MOCOS: variants seen among roughly 807,000 people sequenced by gnomAD.
MOCOS encodes the protein human molybdenum cofactor sulfurase.
A neutral mutation model predicts 83.6 loss-of-function variants in MOCOS; 86 were observed. The ratio of observed to expected loss-of-function variants is 1.03; its 90% CI spans 0.86 to 1.23. MOCOS has a LOEUF of 1.23. Ranked by LOEUF, MOCOS falls within the 50% of genes most tolerant of loss-of-function variation. MOCOS has a pLI of 0.00. For synonymous variants in MOCOS, 445 were observed against 434.7 expected (o/e 1.02, Z -0.29); for missense variants, 1,120 against 1,126.9 (o/e 0.99, Z 0.09).
chr18:36,259,089 G>A (rs1598595138), intron 12 of MOCOS, among the ~76,000 whole-genome samples: 1 of 149,362 alleles, frequency 6.7e-6, no homozygotes, highest in African/African-American at 2.5e-5. Flanking sequence ...GGGGTGGGGG[G>A]TGCAGAGGGC....
At chr18:36,209,253 A>G (rs2091445458) in intron 6 of MOCOS, among the ~76,000 whole-genome samples, 1 of 151,406 alleles carries the variant, frequency 6.6e-6, no homozygotes, top group African/African-American at 2.4e-5. Context: ...ATCTTGGTTC[A>G]CTGCAGCCTT....
At chr18:36,205,337 A>G in intron 6 of MOCOS, 61 bp downstream of exon 6, 3 of 1,539,714 alleles carry the variant, frequency 1.9e-6, no homozygotes, top group Non-Finnish European at 2.7e-6. Context: ...AGACGAGAGC[A>G]ATGTAGTGTG....
intron 9 of MOCOS, among the ~76,000 whole-genome samples, chr18:36,226,359 A>T (rs1210877247): frequency 6.6e-6 from 1 of 152,036 alleles, no homozygotes; most frequent in African/African-American, 2.4e-5. Context: ...TTTGGTTACC[A>T]TTTGCATGGA....
chr18:36,219,208 A>C (rs1285922756), intron 8 of MOCOS, among the ~76,000 whole-genome samples: 1 of 145,798 alleles, frequency 6.9e-6, no homozygotes, highest in East Asian at 2.0e-4. Flanking sequence ...TTTTTTTGAC[A>C]CAGAGTCTCA....
At chr18:36,200,518 G>A (rs1350374030) in intron 4 of MOCOS, among the ~76,000 whole-genome samples, 194 bp downstream of exon 4, 1 of 152,148 alleles carries the variant, frequency 6.6e-6, no homozygotes, top group African/African-American at 2.4e-5. Context: ...GGTGTTCAGT[G>A]AACTCTACCC....
chr18:36,194,408 CTTA>C (rs766791817), intron 1 of MOCOS, among the ~76,000 whole-genome samples: 12 of 152,088 alleles, frequency 7.9e-5, no homozygotes, highest in Admixed American at 2.0e-4. Context: ...CATGTCAGTA[CTTA>C]TTATTAGTGT....
At chr18:36,252,660 G>A (rs1340758389) in intron 11 of MOCOS, among the ~76,000 whole-genome samples, 2 of 152,164 alleles carry the variant, frequency 1.3e-5, no homozygotes, top group Non-Finnish European at 1.5e-5. Flanking sequence ...GGAGTTCGAG[G>A]CTGCAGTGAG....
rs73430990 is a variant in MOCOS at position 36,212,994 on chromosome 18, G to A, written c.1219-372G>A. On this transcript the variant is annotated intron_variant, in intron 6 of 14. Transcript: ENST00000261326. The stretch of plus-strand genomic sequence containing the variant: ...CAGGAAAGAGCTTTGGGAACTTCTG[G>A]ACTGAAAAGCAATTCTGTGATTAAA... Among the ~76,000 whole-genome samples, 363 of 152,286 alleles carry A rather than the reference G, an allele frequency of 2.4e-3. 1 individual carries two copies. Among genetic ancestry groups the A allele is most frequent in the African/African-American group, 8.4e-3 (349 of 41,552 alleles).
Position 36,258,091 on chromosome 18 carries a change from C to T in MOCOS, c.2270+1018C>T, listed in dbSNP as rs1393391589. 4.6e-5 allele frequency among the ~76,000 whole-genome samples: 7 copies of T among 152,202 alleles called. No individual in the cohort carries two copies. The East Asian group carries it at 1.4e-3, about 29-fold the overall frequency. ...TCTGGCACTGAGGGACCCTTCTCCT[C>T]AGGCATCCAGAGTCCTGGAAAAAGT... On this transcript the variant is annotated intron_variant, in intron 12 of 14. Coordinates refer to ENST00000261326, the MANE Select transcript of MOCOS (RefSeq NM_017947.4).
chr18:36,258,634 C>G (rs1021801473), intron 12 of MOCOS, among the ~76,000 whole-genome samples: 2 of 152,160 alleles, frequency 1.3e-5, no homozygotes, highest in Non-Finnish European at 2.9e-5. Context: ...CTGGCGCATA[C>G]TCTAACCATG....
In MOCOS at chr18:36,271,603, A is replaced by C. The variant is rs2091699414; in HGVS notation, c.*2918A>C. 1 of 152,204 alleles carries C rather than the reference A, an allele frequency of 6.6e-6. No homozygotes were observed. Among genetic ancestry groups the C allele is most frequent in the Admixed American group, 6.5e-5 (1 of 15,286 alleles). The allele number at this position is 152,204 out of a possible 1,614,324, so 9.4% of individuals were successfully genotyped here. ...AGACAATGTCATGTCCCTTGAATTT[A>C]ATTCTAACACCAAACCTTGGTGTTA... On this transcript the variant is annotated 3_prime_UTR_variant, in exon 15 of 15. Transcript: ENST00000261326.
Position 36,210,419 on chromosome 18 carries a change from G to T in MOCOS, c.1219-2947G>T, listed in dbSNP as rs572963397. Among the ~76,000 whole-genome samples, 209 of 152,266 alleles carry T rather than the reference G, an allele frequency of 1.4e-3. 2 individuals are homozygous for T. Among genetic ancestry groups the T allele is most frequent in the Middle Eastern group, 3.4e-3 (1 of 294 alleles). On this transcript the variant is annotated intron_variant, in intron 6 of 14. Coordinates refer to ENST00000261326, the MANE Select transcript of MOCOS (RefSeq NM_017947.4). ...TCAGCTGTCAGTACTGGCAGAACCA[G>T]CCCTGACACTACTAAGAAGCACAAT...
At chr18:36,206,949 T>C (rs2091437149) in intron 6 of MOCOS, among the ~76,000 whole-genome samples, 1 of 152,212 alleles carries the variant, frequency 6.6e-6, no homozygotes, top group Non-Finnish European at 1.5e-5. Flanking sequence ...AAGATATGCA[T>C]GCATTTGCCT....
intron 11 of MOCOS, among the ~76,000 whole-genome samples, chr18:36,255,223 C>T (rs372203172): frequency 3.4e-4 from 52 of 152,296 alleles, no homozygotes; most frequent in East Asian, 2.7e-3. Context: ...CCTCGGGTCT[C>T]TTCTGAGACG....
At chr18:36,240,014 G>C (rs928897446) in intron 9 of MOCOS, among the ~76,000 whole-genome samples, 1 of 128,788 alleles carries the variant, frequency 7.8e-6, no homozygotes, top group African/African-American at 3.1e-5. Flanking sequence ...CTCTGTATTG[G>C]TTATTCTAGT....
chr18:36,242,470 C>G (rs1490110997), intron 9 of MOCOS, among the ~76,000 whole-genome samples: 1 of 152,210 alleles, frequency 6.6e-6, no homozygotes, highest in African/African-American at 2.4e-5. Flanking sequence ...ACTGTTCTAA[C>G]CTCTCCCCAT....
At chr18:36,242,863 C>G (rs139682212) in intron 9 of MOCOS, among the ~76,000 whole-genome samples, 7,033 of 152,266 alleles carry the variant, frequency 0.046, 185 homozygotes, top group South Asian at 0.081. Flanking sequence ...GTGGGGATTA[C>G]AATTCAAGAT....
Position 36,260,053 on chromosome 18 carries a change from G to T in MOCOS, c.2287G>T (p.Glu763Ter). The change falls in exon 13 of 15, where the codon GAG becomes TAG. Residue 763 changes from glutamate to a stop codon, truncating the protein, a stop_gained. Coordinates refer to ENST00000261326, the MANE Select transcript of MOCOS (RefSeq NM_017947.4). LOFTEE classifies it high-confidence loss of function. ...TTTAATCAGTGATGAGAATGGAAAG[G>T]AGGAATTATTCTCACTGAAGGATCT... ...QLNTSDENGK[E>*]ELFSLKDLSL... is the part of the protein sequence containing the mutation. 1.9e-6 allele frequency: 3 copies of T among 1,614,202 alleles called. No individual in the cohort carries two copies. Among genetic ancestry groups the T allele is most frequent in the Non-Finnish European group, 2.5e-6 (3 of 1,180,038 alleles).
At chr18:36,195,600 A>G in intron 2 of MOCOS, among the ~76,000 whole-genome samples, 1 of 152,240 alleles carries the variant, frequency 6.6e-6, no homozygotes, top group Admixed American at 6.5e-5. Flanking sequence ...GGAAGGGCAC[A>G]GAGATTCAAA....
Sources: gnomAD v4.1 joint callset for allele counts (sites outside exome capture counted in the v4.1 genomes callset) on GRCh38, gnomAD v4.1.1 for gene constraint, MANE v1.5 for transcripts, NCBI Gene and HGNC (gene_info 2026-07-23, HGNC 2026-07-21) for gene names.